Variants in DPYD observed in about 807,000 individuals in gnomAD.
DPYD encodes the protein dihydropyrimidine dehydrogenase [NADP(+)].
Under a neutral mutation model 116.2 loss-of-function variants are expected in DPYD, and 109 were observed. The ratio of observed to expected loss-of-function variants is 0.94; its 90% CI spans 0.80 to 1.10. The LOEUF is 1.10. DPYD is among the 50% of genes least tolerant of loss of function. The pLI, the probability that DPYD is intolerant of heterozygous loss-of-function variation, is 0.00. For missense variants in DPYD, 1,302 were observed against 1,254.5 expected (o/e 1.04, Z -0.57); for synonymous variants, 440 against 432.0 (o/e 1.02, Z -0.23).
intron 8 of DPYD, among the ~76,000 whole-genome samples, chr1:97,646,488 C>A (rs999506344): frequency 6.6e-6 from 1 of 151,762 alleles, no homozygotes; most frequent in African/African-American, 2.4e-5. Flanking sequence ...CCTATTTTTT[C>A]TTATTTTGTT....
intron 8 of DPYD, among the ~76,000 whole-genome samples, chr1:97,644,985 C>T (rs1658172751): frequency 6.6e-6 from 1 of 152,044 alleles, no homozygotes; most frequent in African/African-American, 2.4e-5. Flanking sequence ...TATGGTTTTA[C>T]ATCAACTTTC....
intron 8 of DPYD, among the ~76,000 whole-genome samples, chr1:97,671,038 T>C (rs994867371): frequency 4.6e-5 from 7 of 152,008 alleles, no homozygotes; most frequent in African/African-American, 7.2e-5. Flanking sequence ...GCAAAGAAGA[T>C]AAAATATTTT....
At chr1:97,186,674 C>A (rs1221644776) in intron 20 of DPYD, among the ~76,000 whole-genome samples, 1 of 152,030 alleles carries the variant, frequency 6.6e-6, no homozygotes, top group South Asian at 2.1e-4. Context: ...CATGGAGGAA[C>A]GCTGTCTCTA....
intron 13 of DPYD, among the ~76,000 whole-genome samples, chr1:97,476,650 G>A (rs930615138): frequency 3.9e-5 from 6 of 151,928 alleles, no homozygotes; most frequent in African/African-American, 1.5e-4. Context: ...CCCAGTTCTA[G>A]GAATTTATTT....
chr1:97,121,765 T>C (rs1406288122), intron 20 of DPYD, among the ~76,000 whole-genome samples: 2 of 152,114 alleles, frequency 1.3e-5, no homozygotes, highest in African/African-American at 2.4e-5. Context: ...CTGGGACTTA[T>C]GTGTGGCTGA....
intron 1 of DPYD, among the ~76,000 whole-genome samples, chr1:97,897,555 A>AT: frequency 6.6e-6 from 1 of 151,170 alleles, no homozygotes; most frequent in Admixed American, 6.6e-5. Context: ...TAGTCTTTTC[A>AT]TTTTTTTCTC....
chr1:97,881,299 A>G (rs2101637652), intron 2 of DPYD, among the ~76,000 whole-genome samples: 1 of 152,134 alleles, frequency 6.6e-6, no homozygotes, highest in South Asian at 2.1e-4. Flanking sequence ...CTCAGGGAGA[A>G]GACACCATCT....
At chr1:97,892,322 C>T (rs1218952645) in intron 1 of DPYD, among the ~76,000 whole-genome samples, 1 of 151,732 alleles carries the variant, frequency 6.6e-6, no homozygotes, top group African/African-American at 2.4e-5. Flanking sequence ...AGTTTATTTG[C>T]TTAACAGTCT....
At chr1:97,084,007 C>A (rs1277526057) in intron 21 of DPYD, among the ~76,000 whole-genome samples, 4 of 151,976 alleles carry the variant, frequency 2.6e-5, no homozygotes, top group East Asian at 3.8e-4. Context: ...TTGTAAGAGA[C>A]TACTTGATAA....
intron 2 of DPYD, among the ~76,000 whole-genome samples, chr1:97,867,378 AC>A (rs1428592189): frequency 3.3e-5 from 5 of 151,876 alleles, no homozygotes; most frequent in African/African-American, 1.2e-4. Flanking sequence ...GGGTTATGCC[AC>A]TGTTGATACG....
At chr1:97,755,173 T>C (rs552583914) in intron 3 of DPYD, among the ~76,000 whole-genome samples, 2 of 152,278 alleles carry the variant, frequency 1.3e-5, no homozygotes, top group African/African-American at 4.8e-5. Context: ...AAATGCAGCA[T>C]CTTGAGCTAA....
At chr1:97,206,711 T>C (rs932471068) in intron 19 of DPYD, among the ~76,000 whole-genome samples, 1 of 140,242 alleles carries the variant, frequency 7.1e-6, no homozygotes, top group Non-Finnish European at 1.6e-5. Flanking sequence ...ATAATGCATA[T>C]GTGCGTATAC....
chr1:97,278,308 A>G (rs6675639), intron 18 of DPYD, among the ~76,000 whole-genome samples: 11,561 of 152,232 alleles, frequency 0.076, 996 homozygotes, highest in African/African-American at 0.21. Flanking sequence ...GCGCCAGTCT[A>G]TAACAAATCT....
At chr1:97,759,565 A>G (rs1665459689) in intron 3 of DPYD, among the ~76,000 whole-genome samples, 1 of 152,164 alleles carries the variant, frequency 6.6e-6, no homozygotes, top group South Asian at 2.1e-4. Context: ...GAAGACAAGC[A>G]AATTTTTGTT....
chr1:97,273,401 A>G (rs919280732), intron 18 of DPYD, among the ~76,000 whole-genome samples: 2 of 152,146 alleles, frequency 1.3e-5, no homozygotes, highest in African/African-American at 4.8e-5. Flanking sequence ...CTAGCTCTTC[A>G]TCTATACTCC....
intron 19 of DPYD, among the ~76,000 whole-genome samples, chr1:97,212,220 G>C (rs998607696): frequency 5.3e-5 from 8 of 152,020 alleles, no homozygotes; most frequent in African/African-American, 1.2e-4. Flanking sequence ...AGCAGCCACT[G>C]TTCACCACCT....
intron 8 of DPYD, among the ~76,000 whole-genome samples, chr1:97,631,624 T>C (rs1472296912): frequency 6.6e-6 from 1 of 152,024 alleles, no homozygotes; most frequent in African/African-American, 2.4e-5. Context: ...ATTTCATATA[T>C]AAAAATATAT....
intron 1 of DPYD, among the ~76,000 whole-genome samples, chr1:97,894,747 C>T (rs2101668795): frequency 6.6e-6 from 1 of 151,530 alleles, no homozygotes; most frequent in East Asian, 1.9e-4. Context: ...CAAATGCAAA[C>T]ACTTATAAAG....
chr1:97,521,576 AC>A (rs967776311), intron 12 of DPYD, among the ~76,000 whole-genome samples: 36 of 152,158 alleles, frequency 2.4e-4, no homozygotes, highest in Non-Finnish European at 5.0e-4. Flanking sequence ...TTCATATGGA[AC>A]CAAAAAAGAG....
Sources: allele counts gnomAD v4.1 joint callset (sites outside exome capture counted in the v4.1 genomes callset), GRCh38; gene constraint gnomAD v4.1.1; transcripts MANE v1.5; gene names NCBI Gene and HGNC (gene_info 2026-07-23, HGNC 2026-07-21).